The following PARG variants were observed in gnomAD, a reference collection of about 807,000 sequenced individuals.
PARG encodes mitochondrial poly(ADP-ribose) glycohydrolase.
A neutral mutation model predicts 113.0 loss-of-function variants in PARG; 35 were observed. That is an observed-to-expected ratio of 0.31 (90% CI 0.24 to 0.41). The LOEUF (loss-of-function observed/expected upper bound fraction) is 0.41. Among genes scored for constraint, PARG ranks in the 10% least tolerant of loss-of-function variants. PARG has a pLI of 1.00. For missense variants in PARG, 797 were observed against 1,169.4 expected, an observed-to-expected ratio of 0.68 and a Z score of 4.64; for synonymous variants, 330 against 409.9, an observed-to-expected ratio of 0.81 and a Z score of 2.36.
At chr10:49,881,716 C>T (rs1554839511) in intron 8 of PARG, among the ~76,000 whole-genome samples, 1 of 152,040 alleles carries the variant, frequency 6.6e-6, no homozygotes, top group African/African-American at 2.4e-5. Context: ...AAGAGTTTGC[C>T]AGAAAAAAGA....
At chr10:49,923,030 A>G (rs1184692605) in intron 4 of PARG, among the ~76,000 whole-genome samples, 1 of 152,252 alleles carries the variant, frequency 6.6e-6, no homozygotes, top group Non-Finnish European at 1.5e-5. Flanking sequence ...TCTGATTCTA[A>G]GTGTCATCCT....
rs1297403930 is a variant in PARG, at chr10:49,870,173, G to T, written c.1989-618C>A. Among the ~76,000 whole-genome samples, 3 of 151,030 alleles carry T rather than the reference G, an allele frequency of 2.0e-5. No homozygotes were observed. The East Asian group carries it at 5.9e-4, about 30-fold the overall frequency. ...TGGAGATAGGGCCTGTGAGCAGGTA[G>T]TAACAGTTAAATGAGGTCATAGGGG... On this transcript the variant is annotated intron_variant, in intron 9 of 17. Transcript: ENST00000616448.
At chr10:49,930,295 C>T (rs1431442015) in intron 4 of PARG, among the ~76,000 whole-genome samples, 1 of 150,838 alleles carries the variant, frequency 6.6e-6, no homozygotes, top group Non-Finnish European at 1.5e-5. Flanking sequence ...CTATGTGGCA[C>T]AATTCGGTAC....
At chr10:49,829,266 C>G (rs1564595681) in intron 16 of PARG, among the ~76,000 whole-genome samples, 1 of 151,896 alleles carries the variant, frequency 6.6e-6, no homozygotes, top group Non-Finnish European at 1.5e-5. Flanking sequence ...TGCCTTCTTT[C>G]TTTTGTAATT....
At chr10:49,932,069 T>C in intron 4 of PARG, 31 bp downstream of exon 4, 1 of 1,209,744 alleles carries the variant, frequency 8.3e-7, no homozygotes. Context: ...CTTCCAGTCT[T>C]CTCTCATCAT....
At chr10:49,907,372 A>G (rs1836912737) in intron 7 of PARG, among the ~76,000 whole-genome samples, 1 of 152,168 alleles carries the variant, frequency 6.6e-6, no homozygotes, top group Non-Finnish European at 1.5e-5. Context: ...ACTAGTACTA[A>G]TAGTAAAATA....
intron 6 of PARG, among the ~76,000 whole-genome samples, chr10:49,922,107 TA>T (rs1204210153): frequency 2.0e-5 from 3 of 152,092 alleles, no homozygotes; most frequent in Admixed American, 6.6e-5. Context: ...GAAACAGAGG[TA>T]TTATTCCTGG....
At chr10:49,911,496 T>C (rs1453514809) in intron 7 of PARG, among the ~76,000 whole-genome samples, 7 of 151,920 alleles carry the variant, frequency 4.6e-5, no homozygotes, top group Non-Finnish European at 8.8e-5. Flanking sequence ...TGTGTGTTTG[T>C]AGCACTTCCA....
chr10:49,868,730 C>T (rs1846644172), intron 10 of PARG, among the ~76,000 whole-genome samples: 2 of 152,178 alleles, frequency 1.3e-5, no homozygotes, highest in East Asian at 3.9e-4. Flanking sequence ...GGAAAGGCTA[C>T]CCATTGATAA....
At chr10:49,885,640 T>C (rs1380206457) in intron 7 of PARG, among the ~76,000 whole-genome samples, 1 of 152,188 alleles carries the variant, frequency 6.6e-6, no homozygotes, top group African/African-American at 2.4e-5. Flanking sequence ...CTTGGTTGTA[T>C]CAACTAGAAA....
intron 6 of PARG, among the ~76,000 whole-genome samples, chr10:49,920,612 A>C (rs1837809316): frequency 6.9e-6 from 1 of 145,954 alleles, no homozygotes; most frequent in Non-Finnish European, 1.5e-5. Context: ...ACGTACATAT[A>C]TACGTATATA....
At chr10:49,929,735 A>C (rs1838394456) in intron 4 of PARG, among the ~76,000 whole-genome samples, 3 of 151,636 alleles carry the variant, frequency 2.0e-5, no homozygotes, top group Non-Finnish European at 4.4e-5. Context: ...CTGAGGCAGG[A>C]GAATTGCTTG....
At chr10:49,939,346 C>A (rs2133010331) in intron 1 of PARG, among the ~76,000 whole-genome samples, 1 of 152,318 alleles carries the variant, frequency 6.6e-6, no homozygotes, top group South Asian at 2.1e-4. Context: ...CTACAAACTA[C>A]AAATGACCAG....
intron 16 of PARG, among the ~76,000 whole-genome samples, chr10:49,832,489 C>T (rs1844719291): frequency 6.6e-6 from 1 of 152,180 alleles, no homozygotes; most frequent in Admixed American, 6.5e-5. Context: ...AAAATCACTC[C>T]AGTGGAGGAA....
chr10:49,829,512 C>T (rs1844550123), intron 16 of PARG, among the ~76,000 whole-genome samples: 1 of 152,036 alleles, frequency 6.6e-6, no homozygotes, highest in Non-Finnish European at 1.5e-5. Context: ...ACAATATATG[C>T]TCACAATAAA....
intron 7 of PARG, among the ~76,000 whole-genome samples, chr10:49,886,786 T>A (rs1847510310): frequency 6.6e-6 from 1 of 152,188 alleles, no homozygotes; most frequent in Admixed American, 6.5e-5. Flanking sequence ...AAGAGCTAAA[T>A]CCTAATCTTC....
At chr10:49,873,253 T>C (rs1427432484) in intron 9 of PARG, among the ~76,000 whole-genome samples, 1 of 59,908 alleles carries the variant, frequency 1.7e-5, no homozygotes, top group Non-Finnish European at 3.3e-5. Context: ...TGAGATTAAA[T>C]ACACTCTCAC....
At chr10:49,870,018 G>A (rs1359250495) in intron 9 of PARG, among the ~76,000 whole-genome samples, 1 of 152,108 alleles carries the variant, frequency 6.6e-6, no homozygotes, top group Non-Finnish European at 1.5e-5. Context: ...CAGGGACACA[G>A]GCAGGTATAA....
chr10:49,882,469 A>G (rs542339030), intron 8 of PARG, among the ~76,000 whole-genome samples: 2 of 152,252 alleles, frequency 1.3e-5, no homozygotes, highest in East Asian at 3.9e-4. Flanking sequence ...ATAGGGGGCA[A>G]AGCACAGAAT....
Sources: gnomAD v4.1 joint callset for allele counts (sites outside exome capture counted in the v4.1 genomes callset) on GRCh38, gnomAD v4.1.1 for gene constraint, MANE v1.5 for transcripts, NCBI Gene and HGNC (gene_info 2026-07-23, HGNC 2026-07-21) for gene names.